AGO2: variants seen among roughly 807,000 people sequenced by gnomAD.
The protein encoded by AGO2 is protein argonaute-2.
Under a neutral mutation model 102.3 loss-of-function variants are expected in AGO2, and 5 were observed. The ratio of observed to expected loss-of-function variants is 0.05; its 90% confidence interval spans 0.03 to 0.10. The LOEUF is 0.10. Among genes scored for constraint, AGO2 ranks in the 10% least tolerant of loss-of-function variants. The probability of loss-of-function intolerance (pLI) is 1.00; values close to 1 mark genes in which losing one functional copy is unlikely to be tolerated. For missense variants in AGO2, 541 were observed against 1,183.7 expected, an observed-to-expected ratio of 0.46 and a Z score of 7.97; for synonymous variants, 449 against 473.1, an observed-to-expected ratio of 0.95 and a Z score of 0.66.
chr8:140,595,311 A>G (rs1167811667), intron 1 of AGO2, among the ~76,000 whole-genome samples: 1 of 152,136 alleles, frequency 6.6e-6, no homozygotes, highest in Admixed American at 6.6e-5. Context: ...CATCTGTCCT[A>G]TATTATGCAC....
chr8:140,535,251 A>G lies in AGO2; in HGVS notation c.2271+217T>C, dbSNP rs912073651. On this transcript the variant is annotated intron_variant, in intron 17 of 18. Transcript: ENST00000220592. ...CTGCTCCTCAGCCCTACCAAATGGG[A>G]CTTCCTTTTTCTGGGAGGCTCATGC... 6 of 571,696 alleles carry G rather than the reference A, an allele frequency of 1.0e-5. No homozygotes were observed. The East Asian group carries it at 1.8e-4, about 17-fold the overall frequency. 35.4% of individuals were successfully genotyped at this position (571,696 alleles called of 1,614,324 possible). A position where few individuals can be genotyped will look rare whatever the true frequency, so the allele number is the denominator to read the frequency against.
chr8:140,583,353 T>A (rs978687019), intron 2 of AGO2, among the ~76,000 whole-genome samples: 2 of 152,074 alleles, frequency 1.3e-5, no homozygotes, highest in African/African-American at 2.4e-5. Flanking sequence ...CCCTAATAAA[T>A]CCCCTCTCAT....
Position 140,589,015 on chromosome 8 carries a change from AC to A in AGO2, c.23-3705del, listed in dbSNP as rs937706085. On this transcript the variant is annotated intron_variant, in intron 1 of 18. Coordinates refer to ENST00000220592, the MANE Select transcript of AGO2 (RefSeq NM_012154.5). This position sits in a 1 kb window ranked among gnomAD's most constrained non-coding sequence, Gnocchi z 4.2. The stretch of plus-strand genomic sequence containing the variant: ...TGTGTGAGCAACTGGGTCACAGGGA[AC>A]AAAAAATTTCAGTATACACAGCGGA... Among the ~76,000 whole-genome samples the A allele has an allele frequency of 6.6e-6, 1 of 152,220 alleles. No homozygotes were observed. The highest frequency in any genetic ancestry group is 1.5e-5 in the Non-Finnish European group (1 of 68,026).
At chr8:140,534,109 C>G (rs1173878925) in intron 17 of AGO2, among the ~76,000 whole-genome samples, 11 of 152,188 alleles carry the variant, frequency 7.2e-5, no homozygotes, top group Non-Finnish European at 2.9e-5. Flanking sequence ...GAACGTTCGT[C>G]CCTGATGCTC....
chr8:140,641,213 C>T, the AGO2 span, among the ~76,000 whole-genome samples: 1 of 151,682 alleles, frequency 6.6e-6, no homozygotes, highest in African/African-American at 2.4e-5. Context: ...TCACCTAAGC[C>T]CTCAGGGAGG....
rs1185067503 is a variant in AGO2, at chr8:140,530,031, C to A, written c.*2013G>T. The A allele has an allele frequency of 6.6e-6, 1 of 151,822 alleles. No homozygotes were observed. The highest frequency in any genetic ancestry group is 1.9e-4 in the East Asian group (1 of 5,198). 9.4% of individuals were successfully genotyped at this position (151,822 alleles called of 1,614,324 possible). On this transcript the variant is annotated 3_prime_UTR_variant, in exon 19 of 19. Coordinates refer to ENST00000220592, the MANE Select transcript of AGO2 (RefSeq NM_012154.5). ...AAACAGGAGAAAGTGCCACTTGCCA[C>A]TAAAACAAAAGGAACTGCCATTTCT...
At chr8:140,635,355 C>G (rs1313851216) in intron 1 of AGO2, 130 bp downstream of exon 1, 1 of 566,676 alleles carries the variant, frequency 1.8e-6, no homozygotes, top group East Asian at 1.5e-4. Flanking sequence ...CCGGCTCGCC[C>G]GCCCCCGGCC....
intron 13 of AGO2, among the ~76,000 whole-genome samples, chr8:140,546,512 C>A (rs1019958099): frequency 2.6e-5 from 4 of 152,226 alleles, no homozygotes; most frequent in Non-Finnish European, 5.9e-5. Context: ...CGCCCACTTT[C>A]CAAATACAGA....
At chr8:140,581,707 A>G (rs34379149) in intron 2 of AGO2, among the ~76,000 whole-genome samples, 36,150 of 152,162 alleles carry the variant, frequency 0.24, 4,772 homozygotes, top group Non-Finnish European at 0.3. Flanking sequence ...TAGTAAAGAA[A>G]GCTGCTTAAC....
intron 1 of AGO2, among the ~76,000 whole-genome samples, chr8:140,617,133 G>A (rs1448840046): frequency 6.6e-6 from 1 of 152,174 alleles, no homozygotes; most frequent in Non-Finnish European, 1.5e-5. Flanking sequence ...GAAAAAGAGG[G>A]TGTTCTAAGC....
chr8:140,531,924 A>C lies in AGO2; in HGVS notation c.*120T>G. The stretch of plus-strand genomic sequence containing the variant: ...ATTCTGGAAAACGGAGAATCTAATA[A>C]AATCAATGACGTCTCATGTTCGATG... On this transcript the variant is annotated 3_prime_UTR_variant, in exon 19 of 19. Coordinates refer to ENST00000220592, the MANE Select transcript of AGO2 (RefSeq NM_012154.5). The C allele has an allele frequency of 1.1e-6, 1 of 877,990 alleles. No individual in the cohort carries two copies. The allele number at this position is 877,990 out of a possible 1,614,324, so 54.4% of individuals were successfully genotyped here.
intron 1 of AGO2, among the ~76,000 whole-genome samples, chr8:140,588,405 C>CA (rs2133020731): frequency 9.5e-6 from 1 of 105,700 alleles, no homozygotes; most frequent in Admixed American, 1.1e-4. Flanking sequence ...TGTAGTCTAC[C>CA]AAGTGTGTAA....
intron 2 of AGO2, among the ~76,000 whole-genome samples, chr8:140,579,684 G>A (rs957952999): frequency 2.6e-5 from 4 of 151,052 alleles, no homozygotes; most frequent in African/African-American, 9.8e-5. Context: ...TTTTTTCAGA[G>A]TAGTCATCCT....
chr8:140,581,181 C>T (rs1389994217), intron 2 of AGO2, among the ~76,000 whole-genome samples: 1 of 152,230 alleles, frequency 6.6e-6, no homozygotes, highest in African/African-American at 2.4e-5. Flanking sequence ...GGTGAGCAGA[C>T]TGCTTGAGGC....
intron 1 of AGO2, among the ~76,000 whole-genome samples, chr8:140,603,967 GC>G (rs2073962373): frequency 6.6e-6 from 1 of 152,262 alleles, no homozygotes; most frequent in Non-Finnish European, 1.5e-5. Flanking sequence ...GGGATGAGCT[GC>G]CCCTCCCTCA....
chr8:140,595,368 A>C (rs1281513920), intron 1 of AGO2, among the ~76,000 whole-genome samples: 1 of 152,132 alleles, frequency 6.6e-6, no homozygotes, highest in Non-Finnish European at 1.5e-5. Flanking sequence ...GAAGAATTAT[A>C]AAACAAAATA....
rs117560558 is a variant in AGO2 at position 140,598,559 on chromosome 8, C to T, written c.23-13248G>A. 8.5e-4 allele frequency among the ~76,000 whole-genome samples: 130 copies of T among 152,348 alleles called. 3 individuals carry two copies. In the East Asian group the frequency reaches 0.021, roughly 24 times the overall value. On this transcript the variant is annotated intron_variant, in intron 1 of 18. Transcript: ENST00000220592. ...GCCGTAGGATCACCGGTCCACTCTG[C>T]GCGGCAGCACCGCACCCCGGAGCCG... is the stretch of plus-strand genomic sequence containing the variant.
rs183977696 is a variant in AGO2, at chr8:140,625,353, G to A, written c.22+10132C>T. 3.2e-4 allele frequency among the ~76,000 whole-genome samples: 49 copies of A among 152,180 alleles called. 1 individual carries two copies. In the East Asian group the frequency reaches 7.2e-3, roughly 22 times the overall value. On this transcript the variant is annotated intron_variant, in intron 1 of 18. Transcript: ENST00000220592. ...ACTCCTGACCTCAGGTGATCCGCCC[G>A]CCTTGGCCTCCCGAAGTGCTGGGAT...
At chr8:140,583,047 C>T (rs1332034891) in intron 2 of AGO2, among the ~76,000 whole-genome samples, 1 of 152,224 alleles carries the variant, frequency 6.6e-6, no homozygotes, top group African/African-American at 2.4e-5. Context: ...TGGGTAGTGC[C>T]ATCCAATCAG....
Sources: gnomAD v4.1 joint callset for allele counts (sites outside exome capture counted in the v4.1 genomes callset) on GRCh38, gnomAD v4.1.1 for gene constraint, Gnocchi (gnomAD v3.1) non-coding constraint, MANE v1.5 for transcripts, NCBI Gene and HGNC (gene_info 2026-07-23, HGNC 2026-07-21) for gene names.